The following FOCAD variants were observed in gnomAD, a reference collection of about 807,000 sequenced individuals.
FOCAD encodes the protein KIAA1797.
Under a neutral mutation model 225.6 loss-of-function variants are expected in FOCAD, and 198 were observed. The observed-to-expected ratio is 0.88, with a 90% CI of 0.78 to 0.99. The LOEUF is 0.99. FOCAD is among the 50% of genes least tolerant of loss of function. FOCAD has a pLI of 0.00. For missense variants in FOCAD, 2,713 were observed against 2,123.6 expected, an observed-to-expected ratio of 1.28 and a Z score of -5.46; for synonymous variants, 897 against 755.0, an observed-to-expected ratio of 1.19 and a Z score of -3.08.
chr9:20,663,480 C>T (rs980589169), intron 2 of FOCAD, among the ~76,000 whole-genome samples: 1 of 151,024 alleles, frequency 6.6e-6, no homozygotes, highest in Non-Finnish European at 1.5e-5. Flanking sequence ...CATGAACACA[C>T]ACACACACAC....
intron 35 of FOCAD, among the ~76,000 whole-genome samples, chr9:20,971,510 G>C (rs1245727108): frequency 6.6e-6 from 1 of 151,702 alleles, no homozygotes; most frequent in East Asian, 1.9e-4. Flanking sequence ...TGCAATCTTG[G>C]CTCACCATAA....
intron 5 of FOCAD, among the ~76,000 whole-genome samples, chr9:20,749,955 T>C (rs1433902870): frequency 1.3e-5 from 2 of 152,186 alleles, no homozygotes; most frequent in Admixed American, 1.3e-4. Flanking sequence ...GGGGGAACCA[T>C]GCATTTATCA....
chr9:20,768,833 A>G (rs1817872127), intron 7 of FOCAD, among the ~76,000 whole-genome samples: 1 of 151,824 alleles, frequency 6.6e-6, no homozygotes. Context: ...CTCACATATT[A>G]CCTATTATAT....
chr9:20,789,742 C>A, intron 11 of FOCAD, 134 bp downstream of exon 11: 2 of 1,018,638 alleles, frequency 2.0e-6, no homozygotes. Context: ...TTTTTGCTAT[C>A]TTTATCCTTC....
In FOCAD at chr9:20,793,388, C is replaced by T. The variant is rs367624223; in HGVS notation, c.1455+3780C>T. ...GCATTTGATCCCTTTTGTGTTTTCC[C>T]GGTTGTGTGCAAAAAGCCTAGAGTT... On this transcript the variant is annotated intron_variant, in intron 11 of 43. Transcript: ENST00000338382. 3.0e-4 allele frequency among the ~76,000 whole-genome samples: 45 copies of T among 152,184 alleles called. 1 individual carries two copies. In the South Asian group the frequency reaches 7.9e-3, roughly 27 times the overall value.
intron 39 of FOCAD, 22 bp from the exon 40 acceptor site, chr9:20,986,266 A>ATTTTTTGTTTTTTT: frequency 2.8e-6 from 2 of 705,686 alleles, no homozygotes; most frequent in Non-Finnish European, 3.6e-6. Flanking sequence ...TAACTAAACA[A>ATTTTTTGTTTTTTT]TTTTTTTTTT....
At chr9:20,898,845 T>C (rs909497509) in intron 21 of FOCAD, among the ~76,000 whole-genome samples, 1 of 151,988 alleles carries the variant, frequency 6.6e-6, no homozygotes, top group African/African-American at 2.4e-5. Context: ...AGGTCTTTAG[T>C]AATGTAGTGG....
intron 35 of FOCAD, among the ~76,000 whole-genome samples, chr9:20,956,373 A>G (rs780617878): frequency 5.9e-5 from 9 of 152,228 alleles, no homozygotes; most frequent in Non-Finnish European, 1.0e-4. Flanking sequence ...AAATATTATC[A>G]GAAGTCAGTA....
chr9:20,974,996 C>T (rs1406247658), intron 35 of FOCAD, among the ~76,000 whole-genome samples: 3 of 152,102 alleles, frequency 2.0e-5, no homozygotes, highest in African/African-American at 4.8e-5. Context: ...CGCTGATTCC[C>T]CCTTTTTCAG....
At chr9:20,848,574 A>G (rs1827349259) in intron 15 of FOCAD, among the ~76,000 whole-genome samples, 1 of 152,012 alleles carries the variant, frequency 6.6e-6, no homozygotes, top group Admixed American at 6.6e-5. Flanking sequence ...AGCTAAGGTC[A>G]GAGAGAGCTG....
chr9:20,918,188 A>T (rs151081265), intron 24 of FOCAD, among the ~76,000 whole-genome samples: 95 of 152,358 alleles, frequency 6.2e-4, no homozygotes, highest in African/African-American at 2.2e-3. Context: ...TATCCTATTA[A>T]AAGCAGTGCT....
chr9:20,953,132 C>G, intron 35 of FOCAD, 67 bp downstream of exon 35: 2 of 1,227,074 alleles, frequency 1.6e-6, no homozygotes, highest in Non-Finnish European at 2.4e-6. Context: ...ATTTGTGTAC[C>G]CTAAGCATGC....
At chr9:20,965,175 A>G (rs1421957733) in intron 35 of FOCAD, among the ~76,000 whole-genome samples, 1 of 152,152 alleles carries the variant, frequency 6.6e-6, no homozygotes, top group Non-Finnish European at 1.5e-5. Flanking sequence ...AGACTGAGAA[A>G]ATACCCTTGA....
At position 20,978,567 on chromosome 9, in the gene FOCAD, A is replaced by C. The variant is rs563073167; in HGVS notation, c.4377+113A>C. The C allele has an allele frequency of 2.3e-5, 15 of 652,844 alleles. No homozygotes were observed. The South Asian group carries it at 4.3e-4, about 19-fold the overall frequency. 40.4% of individuals were successfully genotyped at this position (652,844 alleles called of 1,614,324 possible). On this transcript the variant is annotated intron_variant, in intron 37 of 43. Transcript: ENST00000338382. ...TCAAGAGGAGACAGATGAGATCTTCACAAAAATCGAGGGTTTGATAGTAGC... is the reference window on the plus strand; with the variant it reads ...TCAAGAGGAGACAGATGAGATCTTCCCAAAAATCGAGGGTTTGATAGTAGC...
chr9:20,771,625 T>A (rs969043889), intron 8 of FOCAD, among the ~76,000 whole-genome samples: 1 of 152,140 alleles, frequency 6.6e-6, no homozygotes, highest in Non-Finnish European at 1.5e-5. Context: ...CTGGGTGTGG[T>A]GTTGCATGCC....
intron 1 of FOCAD, among the ~76,000 whole-genome samples, chr9:20,702,099 G>GTTATTA (rs111348108): frequency 2.2e-3 from 325 of 151,074 alleles, no homozygotes; most frequent in African/African-American, 7.6e-3. Flanking sequence ...TATTGTTATT[G>GTTATTA]TTATTATTAT....
At chr9:20,874,936 T>A in intron 19 of FOCAD, 129 bp downstream of exon 19, 1 of 1,160,392 alleles carries the variant, frequency 8.6e-7, no homozygotes, top group Non-Finnish European at 1.3e-6. Flanking sequence ...GAATGTTAAA[T>A]GCACCCATCT....
intron 38 of FOCAD, among the ~76,000 whole-genome samples, chr9:20,981,933 C>T (rs1445594490): frequency 2.6e-5 from 4 of 152,208 alleles, no homozygotes; most frequent in Admixed American, 2.0e-4. Context: ...TGCTATTAGG[C>T]GTTTTTACCA....
intron 11 of FOCAD, among the ~76,000 whole-genome samples, chr9:20,798,159 G>T (rs1303450860): frequency 4.6e-5 from 7 of 152,084 alleles, no homozygotes; most frequent in African/African-American, 1.2e-4. Flanking sequence ...TTATTGATTT[G>T]CGTATGTTGA....
Sources: gnomAD v4.1 joint callset for allele counts (sites outside exome capture counted in the v4.1 genomes callset) on GRCh38, gnomAD v4.1.1 for gene constraint, MANE v1.5 for transcripts, NCBI Gene and HGNC (gene_info 2026-07-23, HGNC 2026-07-21) for gene names.